The following SIPA1L1 variants were observed in gnomAD, a reference collection of about 807,000 sequenced individuals.
SIPA1L1 encodes signal induced proliferation associated 1 like 1.
In SIPA1L1, 26 loss-of-function variants were observed where a neutral mutation model predicts 162.7. The ratio of observed to expected loss-of-function variants is 0.16; its 90% CI spans 0.12 to 0.22. The LOEUF is 0.22. SIPA1L1 is among the 10% of genes least tolerant of loss of function. SIPA1L1 has a pLI of 1.00. For missense variants in SIPA1L1, 1,874 were observed against 2,241.0 expected (o/e 0.84, Z 3.31); for synonymous variants, 829 against 837.4 (o/e 0.99, Z 0.17).
At chr14:71,541,794 T>C (rs2054408198) in intron 4 of SIPA1L1, among the ~76,000 whole-genome samples, 1 of 151,890 alleles carries the variant, frequency 6.6e-6, no homozygotes, top group Non-Finnish European at 1.5e-5. Context: ...ACAGAAACAT[T>C]AAGGTATGTT....
intron 4 of SIPA1L1, among the ~76,000 whole-genome samples, chr14:71,530,421 A>G (rs2053319384): frequency 6.6e-6 from 1 of 151,460 alleles, no homozygotes; most frequent in Non-Finnish European, 1.5e-5. Flanking sequence ...GGATACTGGC[A>G]GACTCATCCC....
At chr14:71,548,112 G>T (rs2055416158) in intron 4 of SIPA1L1, among the ~76,000 whole-genome samples, 1 of 152,166 alleles carries the variant, frequency 6.6e-6, no homozygotes, top group Non-Finnish European at 1.5e-5. Context: ...AAATGTAATG[G>T]TTATGTGAGG....
intron 2 of SIPA1L1, among the ~76,000 whole-genome samples, chr14:71,509,341 A>G (rs959897063): frequency 2.0e-5 from 3 of 152,190 alleles, no homozygotes; most frequent in Non-Finnish European, 2.9e-5. Flanking sequence ...TTGAACATCT[A>G]ATTGGTTTCT....
At chr14:71,649,989 A>G (rs1280402056) in intron 7 of SIPA1L1, among the ~76,000 whole-genome samples, 1 of 152,194 alleles carries the variant, frequency 6.6e-6, no homozygotes, top group Admixed American at 6.5e-5. Context: ...GGGACACCAT[A>G]AAAAAAGAAT....
chr14:71,335,521 T>G (rs1056417847), intron 2 of SIPA1L1, among the ~76,000 whole-genome samples: 4 of 152,182 alleles, frequency 2.6e-5, no homozygotes, highest in African/African-American at 9.7e-5. Context: ...ATGACTGCCA[T>G]CTAAGTAAGT....
At chr14:71,536,820 G>A (rs571498177) in intron 4 of SIPA1L1, among the ~76,000 whole-genome samples, 6 of 152,242 alleles carry the variant, frequency 3.9e-5, no homozygotes, top group South Asian at 4.1e-4. Flanking sequence ...ATTCTCTGGC[G>A]TTATAATGTG....
intron 2 of SIPA1L1, among the ~76,000 whole-genome samples, chr14:71,385,686 CTTTTTTTTTTT>C (rs532140419): frequency 2.7e-5 from 3 of 112,414 alleles, no homozygotes; most frequent in South Asian, 2.7e-4. Context: ...TTTGTACATT[CTTTTTTTTTTT>C]TTTTTTTTTG....
chr14:71,345,717 G>A (rs573536246), intron 2 of SIPA1L1, among the ~76,000 whole-genome samples: 20 of 151,528 alleles, frequency 1.3e-4, no homozygotes, highest in African/African-American at 4.6e-4. Context: ...ACAGGCGCCC[G>A]CCATCACTCC....
chr14:71,661,869 C>T (rs1438150549), intron 10 of SIPA1L1, among the ~76,000 whole-genome samples: 1 of 152,198 alleles, frequency 6.6e-6, no homozygotes, highest in African/African-American at 2.4e-5. Flanking sequence ...AAATCCTTGC[C>T]TCTGACTTAC....
At chr14:71,525,764 A>C (rs907228850) in intron 3 of SIPA1L1, among the ~76,000 whole-genome samples, 4 of 152,152 alleles carry the variant, frequency 2.6e-5, no homozygotes, top group African/African-American at 9.7e-5. Context: ...AATTGTCGTT[A>C]TTTTTAATGT....
At chr14:71,376,794 C>G (rs530818445) in intron 2 of SIPA1L1, among the ~76,000 whole-genome samples, 1 of 152,134 alleles carries the variant, frequency 6.6e-6, no homozygotes, top group Non-Finnish European at 1.5e-5. Context: ...CTTCAAGCAT[C>G]GTTTCCATTT....
chr14:71,395,010 G>GA (rs1462002259), intron 2 of SIPA1L1, among the ~76,000 whole-genome samples: 1 of 152,168 alleles, frequency 6.6e-6, no homozygotes, highest in African/African-American at 2.4e-5. Context: ...ATAAGAAAGA[G>GA]AAAATCTATA....
At chr14:71,366,391 A>G (rs1427841217) in intron 2 of SIPA1L1, among the ~76,000 whole-genome samples, 1 of 152,102 alleles carries the variant, frequency 6.6e-6, no homozygotes, top group Non-Finnish European at 1.5e-5. Flanking sequence ...TAGTATAAAC[A>G]TTGAATTTAG....
At chr14:71,560,803 T>G (rs2056727685) in intron 4 of SIPA1L1, among the ~76,000 whole-genome samples, 1 of 152,252 alleles carries the variant, frequency 6.6e-6, no homozygotes, top group Non-Finnish European at 1.5e-5. Flanking sequence ...TAGATAAACT[T>G]AGAAGCCCTG....
In SIPA1L1 at chr14:71,523,389, T is replaced by A. The variant is rs1173101679; in HGVS notation, c.-361-5923T>A. On this transcript the variant is annotated intron_variant, in intron 3 of 23. Coordinates refer to ENST00000381232, the MANE Select transcript of SIPA1L1 (RefSeq NM_001386936.1). ...TTTATTTTGACATAATCTCAGAGTTTAAAAAAAAAAAGTTAGATATGTCAA... is the reference window on the plus strand; with the variant it reads ...TTTATTTTGACATAATCTCAGAGTTAAAAAAAAAAAAGTTAGATATGTCAA... Among the ~76,000 whole-genome samples the A allele has an allele frequency of 4.1e-5, 6 of 147,788 alleles. No individual in the cohort carries two copies. The East Asian group carries it at 9.8e-4, about 24-fold the overall frequency.
rs1012940761 is a variant in SIPA1L1, at chr14:71,740,459, C to T, written c.*1298C>T. 1 of 152,170 alleles carries T rather than the reference C, an allele frequency of 6.6e-6. No homozygotes were observed. Among genetic ancestry groups the T allele is most frequent in the African/African-American group, 2.4e-5 (1 of 41,414 alleles). 9.4% of individuals were successfully genotyped at this position (152,170 alleles called of 1,614,324 possible). ...CAGTGTTGACTGACCTGAGGAGACC[C>T]CTTTGTTTGTTGCCTTCATAACTGT... On this transcript the variant is annotated 3_prime_UTR_variant, in exon 24 of 24. Coordinates refer to ENST00000381232, the MANE Select transcript of SIPA1L1 (RefSeq NM_001386936.1).
At chr14:71,734,997 C>G (rs2085155219) in intron 21 of SIPA1L1, among the ~76,000 whole-genome samples, 1 of 152,096 alleles carries the variant, frequency 6.6e-6, no homozygotes, top group South Asian at 2.1e-4. Context: ...AGGACTGTTT[C>G]CAGAGAAACA....
At chr14:71,704,777 T>C (rs773512095) in intron 15 of SIPA1L1, 5 of 1,607,102 alleles carry the variant, frequency 3.1e-6, no homozygotes, top group Non-Finnish European at 4.3e-6. Context: ...GCAGCATGAA[T>C]ATACAGGTAA....
chr14:71,592,049 G>A (rs1347295233), intron 5 of SIPA1L1, among the ~76,000 whole-genome samples: 1 of 117,758 alleles, frequency 8.5e-6, no homozygotes, highest in Non-Finnish European at 1.9e-5. Context: ...AGGTCCAGCT[G>A]GCAGGAACAG....
Sources: allele counts gnomAD v4.1 joint callset (sites outside exome capture counted in the v4.1 genomes callset), GRCh38; gene constraint gnomAD v4.1.1; transcripts MANE v1.5; gene names NCBI Gene and HGNC (gene_info 2026-07-23, HGNC 2026-07-21).